The following TFB1M variants were observed in gnomAD, a reference collection of about 807,000 sequenced individuals.
TFB1M encodes the protein dimethyladenosine transferase 1, mitochondrial.
TFB1M carries 27 observed loss-of-function variants against 31.1 expected under a neutral mutation model. That is an observed-to-expected ratio of 0.87 (90% confidence interval 0.64 to 1.20). The LOEUF (loss-of-function observed/expected upper bound fraction) is 1.20. TFB1M is among the 50% of genes most tolerant of loss of function. The probability of loss-of-function intolerance (pLI) is 0.00; values close to 1 mark genes in which losing one functional copy is unlikely to be tolerated. For synonymous variants in TFB1M, 166 were observed against 151.8 expected (o/e 1.09, Z -0.69); for missense variants, 394 against 418.7 (o/e 0.94, Z 0.51).
At chr6:155,246,162 G>C in the TFB1M span, among the ~76,000 whole-genome samples, 1 of 151,802 alleles carries the variant, frequency 6.6e-6, no homozygotes, top group Admixed American at 6.6e-5. Flanking sequence ...TGAAAGTAAA[G>C]TCTCTCTGGT....
intron 2 of TFB1M, among the ~76,000 whole-genome samples, chr6:155,300,987 T>C (rs1777404861): frequency 6.6e-6 from 1 of 152,080 alleles, no homozygotes; most frequent in Non-Finnish European, 1.5e-5. Flanking sequence ...GTATTTTTAG[T>C]AGAGACGAGG....
downstream of TFB1M, chr6:155,251,916 A>T: frequency 3.8e-6 from 6 of 1,562,400 alleles, no homozygotes; most frequent in Non-Finnish European, 5.3e-6. Context: ...CATAAAATAA[A>T]GACTTTCTTT....
At chr6:155,254,166 C>A, downstream of TFB1M, 1 of 1,244,222 alleles carries the variant, frequency 8.0e-7, no homozygotes. Flanking sequence ...ATATCAGGGT[C>A]ATACTCCCCA....
intron 4 of TFB1M, among the ~76,000 whole-genome samples, chr6:155,295,683 A>G (rs944488360): frequency 2.6e-5 from 4 of 152,302 alleles, no homozygotes; most frequent in African/African-American, 4.8e-5. Flanking sequence ...TTCCATATCC[A>G]TGGATCCAAC....
intron 5 of TFB1M, among the ~76,000 whole-genome samples, chr6:155,276,711 C>T (rs987215903): frequency 3.3e-5 from 5 of 152,146 alleles, no homozygotes; most frequent in Non-Finnish European, 7.3e-5. Context: ...TATAAAAGAA[C>T]TAAACTGCCA....
chr6:155,240,519 T>C, the TFB1M span: 9 of 1,595,812 alleles, frequency 5.6e-6, no homozygotes, highest in Non-Finnish European at 7.7e-6. Flanking sequence ...CCACCTCTTG[T>C]CCTCTCTCAG....
chr6:155,240,716 G>A, the TFB1M span: 1 of 1,606,022 alleles, frequency 6.2e-7, no homozygotes, highest in Non-Finnish European at 8.5e-7. Flanking sequence ...GAAGGTAAGG[G>A]AAGAGCTGGC....
intron 5 of TFB1M, among the ~76,000 whole-genome samples, chr6:155,267,118 G>A (rs1247780439): frequency 1.3e-5 from 2 of 151,912 alleles, no homozygotes; most frequent in Non-Finnish European, 2.9e-5. Context: ...GGAAATACAG[G>A]TGGGTGGCAC....
the TFB1M span, among the ~76,000 whole-genome samples, chr6:155,236,292 G>A: frequency 7.2e-5 from 11 of 151,756 alleles, no homozygotes; most frequent in East Asian, 1.9e-4. Flanking sequence ...CAAGCAGAAC[G>A]CGAGCTGTAT....
chr6:155,250,652 TGGTCAC>T, the TFB1M span: 3 of 1,530,566 alleles, frequency 2.0e-6, no homozygotes, highest in Non-Finnish European at 1.8e-6. Context: ...GAAACTGAGT[TGGTCAC>T]AAGGCATGTC....
At chr6:155,253,926 A>C, downstream of TFB1M, 2 of 1,506,596 alleles carry the variant, frequency 1.3e-6, no homozygotes, top group Non-Finnish European at 1.8e-6. Flanking sequence ...TAACCACAGC[A>C]TTTTGGGCAA....
intron 5 of TFB1M, among the ~76,000 whole-genome samples, chr6:155,261,708 G>A (rs77928043): frequency 0.012 from 1,781 of 152,232 alleles, 36 homozygotes; most frequent in African/African-American, 0.038. Flanking sequence ...GCCTGTCCCC[G>A]AAGGTTTCAG....
chr6:155,247,517 C>T, the TFB1M span, among the ~76,000 whole-genome samples: 5 of 151,978 alleles, frequency 3.3e-5, no homozygotes, highest in African/African-American at 4.8e-5. Context: ...TTAGTAGAGA[C>T]GGGTTTCACC....
At chr6:155,294,954 T>C (rs953050742) in intron 4 of TFB1M, among the ~76,000 whole-genome samples, 2 of 152,206 alleles carry the variant, frequency 1.3e-5, no homozygotes, top group Non-Finnish European at 1.5e-5. Flanking sequence ...GGGTAGTATA[T>C]ATAGCTACCT....
intron 2 of TFB1M, among the ~76,000 whole-genome samples, chr6:155,310,555 C>G (rs1777970680): frequency 6.6e-6 from 1 of 152,178 alleles, no homozygotes; most frequent in African/African-American, 2.4e-5. Flanking sequence ...GGCCTCTTTT[C>G]TCCAGTTGAA....
Position 155,257,913 on chromosome 6 carries a change from A to AATT in TFB1M, c.961_963dup (p.Asn321dup), listed in dbSNP as rs1784179604. ...TTTCTTCGCTTGAGTTCTTCTCTGAAATTATATGCAAAGAGTTGTGGGTCT... is the reference window on the plus strand; with the variant it reads ...TTTCTTCGCTTGAGTTCTTCTCTGAAATTATTATATGCAAAGAGTTGTGGGTCT... On this transcript the variant is annotated inframe_insertion, in exon 7 of 7. Coordinates refer to ENST00000367166, the MANE Select transcript of TFB1M (RefSeq NM_016020.4). 6 of 1,613,946 alleles carry AATT rather than the reference A, an allele frequency of 3.7e-6. No homozygotes were observed. Among genetic ancestry groups the AATT allele is most frequent in the Non-Finnish European group, 3.4e-6 (4 of 1,180,026 alleles).
intron 5 of TFB1M, among the ~76,000 whole-genome samples, chr6:155,282,728 T>C (rs1776428843): frequency 6.6e-6 from 1 of 151,964 alleles, no homozygotes; most frequent in South Asian, 2.1e-4. Flanking sequence ...TTTGAGAAAA[T>C]GAATTTTTTT....
At chr6:155,310,742 G>C (rs1056958414) in intron 2 of TFB1M, 1 of 168,552 alleles carries the variant, frequency 5.9e-6, no homozygotes, top group Non-Finnish European at 1.3e-5. Context: ...AGTCTCTCAT[G>C]ATGACAAACG....
chr6:155,265,423 G>A (rs1391243274), intron 5 of TFB1M, among the ~76,000 whole-genome samples: 2 of 152,016 alleles, frequency 1.3e-5, no homozygotes, highest in Non-Finnish European at 2.9e-5. Flanking sequence ...TTATCAAACG[G>A]ACTAGACATC....
Sources: gnomAD v4.1 joint callset for allele counts (sites outside exome capture counted in the v4.1 genomes callset) on GRCh38, gnomAD v4.1.1 for gene constraint, MANE v1.5 for transcripts, NCBI Gene and HGNC (gene_info 2026-07-23, HGNC 2026-07-21) for gene names.